IFT140: variants seen among roughly 807,000 people sequenced by gnomAD.
The protein encoded by IFT140 is intraflagellar transport 140.
Under a neutral mutation model 164.6 loss-of-function variants are expected in IFT140, and 133 were observed. The ratio of observed to expected loss-of-function variants is 0.81; its 90% CI spans 0.70 to 0.93. IFT140 has a LOEUF of 0.93. Ranked by LOEUF, IFT140 falls within the 40% of genes least tolerant of loss-of-function variation. IFT140 has a pLI of 0.00. For missense variants in IFT140, 2,045 were observed against 1,972.3 expected, an observed-to-expected ratio of 1.04 and a Z score of -0.70; for synonymous variants, 860 against 817.3, an observed-to-expected ratio of 1.05 and a Z score of -0.89.
chr16:1,580,787 G>C lies in IFT140; in HGVS notation c.1496C>G (p.Ser499Ter). The C allele has an allele frequency of 6.2e-7, 1 of 1,613,892 alleles. No homozygotes were observed. The highest frequency in any genetic ancestry group is 8.5e-7 in the Non-Finnish European group (1 of 1,179,826). ...CCAGGTTCGAACTTGAACTCGGTTT[G>C]ACTCCACCGTGTAAACGTTTTCTTC... is the stretch of plus-strand genomic sequence containing the variant. Reference protein sequence around the residue: ...MHEENVYTVESNRVQVRTWQG... With the variant: ...MHEENVYTVE Residue 499 changes from serine (S) to a stop codon, truncating the protein, a stop_gained, in exon 13 of 31, where the codon TCA becomes TGA. Coordinates refer to ENST00000426508, the MANE Select transcript of IFT140 (RefSeq NM_014714.4). LOFTEE classifies it high-confidence loss of function.
In IFT140 at chr16:1,526,063, C is replaced by G; in HGVS notation, c.2592G>C (p.Gln864His). 6.3e-7 allele frequency: 1 copy of G among 1,589,960 alleles called. No homozygotes were observed. The highest frequency in any genetic ancestry group is 1.1e-5 in the South Asian group (1 of 87,326). Reference protein sequence around the residue: ...TQLGMLEDAEQLYRKCKRHDL... With the variant: ...TQLGMLEDAEHLYRKCKRHDL... ...CGTGGCGCTTGCACTTCCTGTACAG[C>G]TGCTCGGCGTCCTCCTGAGGAATGA... The change falls in exon 21 of 31, where the codon CAG becomes CAC. Residue 864 changes from glutamine (Q) to histidine (H), a missense_variant. Gln to His is a conservative substitution (Grantham distance 24, BLOSUM62 0). Transcript: ENST00000426508.
At chr16:1,552,931 G>A (rs2032786641) in intron 19 of IFT140, 1 of 980,942 alleles carries the variant, frequency 1.0e-6, no homozygotes, top group Non-Finnish European at 1.2e-6. Flanking sequence ...GCGATTATAG[G>A]CGTAAACCAC....
At chr16:1,589,127 G>A (rs373137081) in intron 7 of IFT140, among the ~76,000 whole-genome samples, 5 of 152,214 alleles carry the variant, frequency 3.3e-5, no homozygotes, top group African/African-American at 1.2e-4. Context: ...GTAAAGGCCC[G>A]AATGAACACT....
Position 1,511,170 on chromosome 16 carries a change from A to T in IFT140, c.4183-20T>A. The T allele has an allele frequency of 1.9e-6, 3 of 1,584,594 alleles. No individual in the cohort carries two copies. Among genetic ancestry groups the T allele is most frequent in the Admixed American group, 3.6e-5 (2 of 54,930 alleles). On this transcript the variant is annotated intron_variant, in intron 30 of 30. Transcript: ENST00000426508. Reference sequence around the variant, plus strand: ...GTAGGCCTGGGGCAGAGGAGCAGACATTACTCAGCTTTCCTGAACAACCAG... The same window carrying T: ...GTAGGCCTGGGGCAGAGGAGCAGACTTTACTCAGCTTTCCTGAACAACCAG...
intron 4 of IFT140, among the ~76,000 whole-genome samples, chr16:1,599,751 G>A (rs1474057145): frequency 1.1e-4 from 7 of 63,044 alleles, no homozygotes; most frequent in Non-Finnish European, 1.4e-4. Flanking sequence ...CCCTCTGCCC[G>A]GCCAGCCGCC....
intron 19 of IFT140, among the ~76,000 whole-genome samples, chr16:1,536,993 G>A (rs2031138203): frequency 6.6e-6 from 1 of 152,240 alleles, no homozygotes; most frequent in East Asian, 1.9e-4. Flanking sequence ...CCCTGGCTGG[G>A]GGCAGCAGCT....
At position 1,524,926 on chromosome 16, in the gene IFT140, GC is replaced by G; in HGVS notation, c.2865-11del. The G allele has an allele frequency of 6.3e-7, 1 of 1,597,358 alleles. No homozygotes were observed. Among genetic ancestry groups the G allele is most frequent in the Non-Finnish European group, 8.5e-7 (1 of 1,172,238 alleles). Reference sequence around the variant, plus strand: ...CCACCGCCACAGGGTCCTGCGGGCAGCCCAAGACCATGGATTCTCCACCCGA... The same window carrying G: ...CCACCGCCACAGGGTCCTGCGGGCAGCCAAGACCATGGATTCTCCACCCGA... On this transcript the variant is annotated splice_polypyrimidine_tract_variant and intron_variant, in intron 22 of 30. Coordinates refer to ENST00000426508, the MANE Select transcript of IFT140 (RefSeq NM_014714.4).
intron 13 of IFT140, 53 bp downstream of exon 13, chr16:1,580,706 A>G: frequency 8.5e-7 from 1 of 1,177,436 alleles, no homozygotes; most frequent in Non-Finnish European, 1.3e-6. Context: ...CTCAATTGAG[A>G]GGCAGGATTT....
chr16:1,558,190 A>T, intron 18 of IFT140, 56 bp from the exon 19 acceptor site: 1 of 1,563,992 alleles, frequency 6.4e-7, no homozygotes, highest in East Asian at 2.2e-5. Flanking sequence ...TGAAGCCCTC[A>T]CCCAGACCTC....
chr16:1,584,216 C>T lies in IFT140; in HGVS notation c.1359+1G>A, dbSNP rs2034739931. 5.6e-6 allele frequency: 9 copies of T among 1,612,816 alleles called. No individual in the cohort carries two copies. Among genetic ancestry groups the T allele is most frequent in the Non-Finnish European group, 7.6e-6 (9 of 1,179,540 alleles). ...CACCCACGGGTCCCCTCGGCAGTCA[C>T]CTTGGTGGCAAACACTCCACTGATG... is the stretch of plus-strand genomic sequence containing the variant. On this transcript the variant is annotated splice_donor_variant, in intron 11 of 30. Coordinates refer to ENST00000426508, the MANE Select transcript of IFT140 (RefSeq NM_014714.4). LOFTEE classifies it high-confidence loss of function.
At chr16:1,579,086 C>G (rs372009545) in intron 13 of IFT140, among the ~76,000 whole-genome samples, 24 of 152,224 alleles carry the variant, frequency 1.6e-4, no homozygotes, top group Admixed American at 1.2e-3. Flanking sequence ...TTACCAATAA[C>G]GTAAGCAGTT....
In IFT140 at chr16:1,586,066, C is replaced by T. The variant is rs113473636; in HGVS notation, c.1155+64G>A. ...GATTACAGGCGTGAGCCACCGCGCC[C>T]GGCCATGGTCTCCACTTTCATGCAG... On this transcript the variant is annotated intron_variant, in intron 10 of 30. Coordinates refer to ENST00000426508, the MANE Select transcript of IFT140 (RefSeq NM_014714.4). 6,578 of 1,594,738 alleles carry T rather than the reference C, an allele frequency of 4.1e-3. 24 individuals carry two copies. Among genetic ancestry groups the T allele is most frequent in the Non-Finnish European group, 4.9e-3 (5,744 of 1,174,530 alleles).
chr16:1,542,211 G>A, intron 19 of IFT140: 1 of 993,758 alleles, frequency 1.0e-6, no homozygotes, highest in South Asian at 1.8e-5. Context: ...ACAGGCCACT[G>A]AGAAGCCCCA....
Position 1,589,536 on chromosome 16 carries a change from C to T in IFT140, c.810+69G>A, listed in dbSNP as rs557236387. On this transcript the variant is annotated intron_variant, in intron 7 of 30. Transcript: ENST00000426508. ...TCTTGCTATCCAGAAGAGAAAGGGC[C>T]GTCAACGAGGCCAGAGAGAACCTGG... 1.8e-4 allele frequency: 269 copies of T among 1,514,196 alleles called. 4 individuals are homozygous for T. The South Asian group carries it at 1.8e-3, about 10-fold the overall frequency. The allele number at this position is 1,514,196 out of a possible 1,614,324, so 93.8% of individuals were successfully genotyped here. A position where few individuals can be genotyped will look rare whatever the true frequency, so the allele number is the denominator to read the frequency against.
intron 19 of IFT140, among the ~76,000 whole-genome samples, chr16:1,547,572 C>T (rs1165573413): frequency 3.3e-5 from 5 of 152,114 alleles, no homozygotes; most frequent in Admixed American, 6.6e-5. Flanking sequence ...GGTCTCACTC[C>T]GATACCCAGC....
At chr16:1,513,798 C>G (rs184085046) in intron 30 of IFT140, among the ~76,000 whole-genome samples, 1 of 148,636 alleles carries the variant, frequency 6.7e-6, no homozygotes, top group Middle Eastern at 3.4e-3. Flanking sequence ...CTCAGCCTCC[C>G]AAGTAGCTGG....
chr16:1,587,319 AG>A lies in IFT140; in HGVS notation c.903-16del. On this transcript the variant is annotated splice_polypyrimidine_tract_variant and intron_variant, in intron 8 of 30. Coordinates refer to ENST00000426508, the MANE Select transcript of IFT140 (RefSeq NM_014714.4). The stretch of plus-strand genomic sequence containing the variant: ...TGTCCCAGAATCTACAACAGAAGAA[AG>A]CAAGCCCCATGGAGGGCCTGTGTTA... 1 of 1,555,514 alleles carries A rather than the reference AG, an allele frequency of 6.4e-7. No individual in the cohort carries two copies. The highest frequency in any genetic ancestry group is 8.9e-7 in the Non-Finnish European group (1 of 1,127,016).
rs1447429200 is a variant in IFT140, at chr16:1,578,664, G to A, written c.1524+2095C>T. ...TGGGAGGCAAAGGTGGGTGGATCAC[G>A]AGGTCAGGAGTTCAAGACCAGCCTA... On this transcript the variant is annotated intron_variant, in intron 13 of 30. Coordinates refer to ENST00000426508, the MANE Select transcript of IFT140 (RefSeq NM_014714.4). Among the ~76,000 whole-genome samples the A allele has an allele frequency of 3.3e-5, 5 of 151,868 alleles. No homozygotes were observed. In the East Asian group the frequency reaches 7.7e-4, roughly 24 times the overall value.
chr16:1,558,215 G>T, intron 18 of IFT140, 81 bp from the exon 19 acceptor site: 1 of 1,371,288 alleles, frequency 7.3e-7, no homozygotes, highest in Non-Finnish European at 1.0e-6. Context: ...TCTGGATTTA[G>T]CTCCCTTATG....
Sources: allele counts gnomAD v4.1 joint callset (sites outside exome capture counted in the v4.1 genomes callset), GRCh38; gene constraint gnomAD v4.1.1; transcripts MANE v1.5; gene names NCBI Gene and HGNC (gene_info 2026-07-23, HGNC 2026-07-21).